HEMK2: variants seen among roughly 807,000 people sequenced by gnomAD.
HEMK2 encodes the protein HemK methyltransferase 2, ETF1 glutamine and histone H4 lysine, also known as methyltransferase HEMK2.
chr21:28,583,609 G>A, the HEMK2 span, among the ~76,000 whole-genome samples: 3 of 152,178 alleles, frequency 2.0e-5, no homozygotes, highest in Non-Finnish European at 4.4e-5. Context: ...GTGCTCAAGA[G>A]TGTCTCATCA....
the HEMK2 span, among the ~76,000 whole-genome samples, chr21:28,649,448 A>G: frequency 6.6e-6 from 1 of 152,236 alleles, no homozygotes; most frequent in Non-Finnish European, 1.5e-5. Flanking sequence ...GAGCATCTAC[A>G]TTGTGACAGA....
At chr21:28,842,546 C>T in the HEMK2 span, among the ~76,000 whole-genome samples, 1 of 152,098 alleles carries the variant, frequency 6.6e-6, no homozygotes, top group African/African-American at 2.4e-5. Context: ...AGGGTAGACC[C>T]AGACGATACC....
chr21:28,733,703 A>G, the HEMK2 span, among the ~76,000 whole-genome samples: 1 of 148,372 alleles, frequency 6.7e-6, no homozygotes, highest in Non-Finnish European at 1.5e-5. Flanking sequence ...TGGTAGCCTG[A>G]TTGCCACCCT....
At chr21:28,831,101 G>A in the HEMK2 span, among the ~76,000 whole-genome samples, 1 of 152,054 alleles carries the variant, frequency 6.6e-6, no homozygotes, top group Non-Finnish European at 1.5e-5. Flanking sequence ...GGGATGCCAT[G>A]TGTCATAGCT....
At chr21:28,856,278 G>A in the HEMK2 span, among the ~76,000 whole-genome samples, 1 of 152,076 alleles carries the variant, frequency 6.6e-6, no homozygotes, top group African/African-American at 2.4e-5. Context: ...AGCCAGGAGT[G>A]GTGGCAGGTT....
At chr21:28,780,256 C>A in the HEMK2 span, among the ~76,000 whole-genome samples, 1 of 152,124 alleles carries the variant, frequency 6.6e-6, no homozygotes, top group Non-Finnish European at 1.5e-5. Flanking sequence ...CAGCTCACTG[C>A]AACCTCTGCC....
the HEMK2 span, among the ~76,000 whole-genome samples, chr21:28,753,782 T>C: frequency 6.6e-6 from 1 of 152,208 alleles, no homozygotes; most frequent in Non-Finnish European, 1.5e-5. Context: ...TTCTATAACC[T>C]ACCTATCTAC....
At chr21:28,722,656 CGGAT>C in the HEMK2 span, among the ~76,000 whole-genome samples, 1 of 152,096 alleles carries the variant, frequency 6.6e-6, no homozygotes, top group Non-Finnish European at 1.5e-5. Context: ...CAGAGGCAGG[CGGAT>C]GACCTGAGGT....
the HEMK2 span, among the ~76,000 whole-genome samples, chr21:28,595,353 A>G: frequency 6.6e-6 from 1 of 151,330 alleles, no homozygotes. Context: ...CCAGCCTCTG[A>G]TAACTATCCT....
At chr21:28,810,626 C>T in the HEMK2 span, among the ~76,000 whole-genome samples, 58 of 152,234 alleles carry the variant, frequency 3.8e-4, no homozygotes, top group African/African-American at 1.3e-3. Flanking sequence ...GCATTCCAGC[C>T]CTACAATGTA....
At chr21:28,625,807 T>C in the HEMK2 span, among the ~76,000 whole-genome samples, 1 of 119,314 alleles carries the variant, frequency 8.4e-6, no homozygotes, top group Non-Finnish European at 1.9e-5. Flanking sequence ...AGATAGGGAA[T>C]GATACCAGAT....
At chr21:28,650,596 A>G in the HEMK2 span, among the ~76,000 whole-genome samples, 17 of 152,246 alleles carry the variant, frequency 1.1e-4, no homozygotes, top group East Asian at 3.1e-3. Flanking sequence ...GGGGGAATGG[A>G]AGTACCTATA....
At chr21:28,629,058 AT>A in the HEMK2 span, among the ~76,000 whole-genome samples, 1 of 152,162 alleles carries the variant, frequency 6.6e-6, no homozygotes, top group East Asian at 1.9e-4. Context: ...TGGGATCTAC[AT>A]TTTTTAAGTA....
the HEMK2 span, among the ~76,000 whole-genome samples, chr21:28,588,728 T>C: frequency 2.0e-5 from 3 of 152,120 alleles, no homozygotes; most frequent in Non-Finnish European, 2.9e-5. Flanking sequence ...CCCAGCACTT[T>C]GGGAGGCCGA....
At chr21:28,839,663 A>T in the HEMK2 span, among the ~76,000 whole-genome samples, 1 of 152,176 alleles carries the variant, frequency 6.6e-6, no homozygotes, top group Non-Finnish European at 1.5e-5. Context: ...CTAACAAAGG[A>T]GTCAAAAGAC....
At chr21:28,585,187 C>T in the HEMK2 span, among the ~76,000 whole-genome samples, 4 of 152,008 alleles carry the variant, frequency 2.6e-5, no homozygotes, top group Non-Finnish European at 5.9e-5. Flanking sequence ...CAAAACTTAG[C>T]TGAGCATGGT....
chr21:28,588,808 C>G, the HEMK2 span, among the ~76,000 whole-genome samples: 1 of 151,948 alleles, frequency 6.6e-6, no homozygotes, highest in African/African-American at 2.4e-5. Flanking sequence ...ACGCTGAAAC[C>G]CTGTCTCTAC....
chr21:28,748,406 C>G, the HEMK2 span, among the ~76,000 whole-genome samples: 1 of 152,184 alleles, frequency 6.6e-6, no homozygotes, highest in Non-Finnish European at 1.5e-5. Flanking sequence ...TTCTAGATAA[C>G]AAAAGTATCA....
chr21:28,858,576 GAGGA>G, the HEMK2 span, among the ~76,000 whole-genome samples: 4 of 151,768 alleles, frequency 2.6e-5, no homozygotes, highest in East Asian at 1.9e-4. Flanking sequence ...GGAAGGGAGG[GAGGA>G]AGGAAGGAAG....
Sources: allele counts gnomAD v4.1 joint callset (sites outside exome capture counted in the v4.1 genomes callset), GRCh38; gene constraint gnomAD v4.1.1; transcripts MANE v1.5; gene names NCBI Gene and HGNC (gene_info 2026-07-23, HGNC 2026-07-21).